The following ALG13 variants were observed in gnomAD, a reference collection of about 807,000 sequenced individuals.
The protein encoded by ALG13 is UDP-N-acetylglucosamine transferase subunit ALG13.
A neutral mutation model predicts 87.8 loss-of-function variants in ALG13; 11 were observed. That is an observed-to-expected ratio of 0.13 (90% CI 0.08 to 0.21). ALG13 has a LOEUF of 0.21. Ranked by LOEUF, ALG13 falls within the 10% of genes least tolerant of loss-of-function variation. The probability of loss-of-function intolerance (pLI) is 1.00; values close to 1 mark genes in which losing one functional copy is unlikely to be tolerated. For missense variants in ALG13, 756 were observed against 866.1 expected (o/e 0.87, Z 1.60); for synonymous variants, 320 against 306.3 (o/e 1.04, Z -0.47).
rs1939104471 is a variant in ALG13, at chrX:111,708,098, T to C, written c.455T>C (p.Leu152Pro). 8.3e-7 allele frequency: 1 copy of C among 1,209,770 alleles called. No individual in the cohort carries two copies. Among genetic ancestry groups the C allele is most frequent in the African/African-American group, 1.8e-5 (1 of 57,142 alleles). Residue 152 changes from leucine (L) to proline (P), a missense_variant, in exon 4 of 27, where the codon CTG becomes CCG. By Grantham distance (98) the Leu-to-Pro change is moderately conservative. Transcript: ENST00000394780. ...GGGAAGTGCCAAGATTCTGCAGCGC[T>C]GACTTCAACTGCCTTTTCAGGCCTA... ...APGKCQDSAA[L>P]TSTAFSGLDF... is the part of the protein sequence containing the mutation.
At chrX:111,695,857 A>C (rs1936905582) in intron 3 of ALG13, among the ~76,000 whole-genome samples, 1 of 111,004 alleles carries the variant, frequency 9.0e-6, no homozygotes, top group African/African-American at 3.3e-5. Flanking sequence ...TTCTGCTTGA[A>C]TGTTCACCCT....
Position 111,681,238 on chromosome X carries a change from C to G in ALG13, c.20C>G (p.Thr7Ser). MKCVFVTVGTTSFDDLI... is the reference protein window; with the variant it reads MKCVFVSVGTTSFDDLI... ...CGCGCCATGAAGTGCGTGTTTGTTA[C>G]CGTAGGGACCACCAGCTTTGACGAC... is the stretch of plus-strand genomic sequence containing the variant. Residue 7 changes from threonine (T) to serine (S), a missense_variant, in exon 1 of 27, where the codon ACC becomes AGC. By Grantham distance (58) the Thr-to-Ser change is moderately conservative (BLOSUM62 1). This residue lies in a region of ALG13 where 153 missense variants were observed against 168.7 expected (regional missense o/e 0.91). Transcript: ENST00000394780. The G allele has an allele frequency of 2.5e-6, 3 of 1,212,196 alleles. No homozygotes were observed. Among genetic ancestry groups the G allele is most frequent in the East Asian group, 5.9e-5 (2 of 33,823 alleles).
intron 3 of ALG13, chrX:111,689,925 C>T (rs1471864830): frequency 2.3e-5 from 17 of 751,365 alleles, no homozygotes; most frequent in Non-Finnish European, 2.3e-5. Context: ...TTTCCTTTGG[C>T]GTATGACAAC....
intron 1 of ALG13, 105 bp downstream of exon 1, chrX:111,681,404 A>C: frequency 8.6e-7 from 1 of 1,163,201 alleles, no homozygotes; most frequent in Non-Finnish European, 1.1e-6. Flanking sequence ...TCGGAAAGAA[A>C]CCCCCGCAAC....
At chrX:111,681,638 G>A (rs1569509199) in intron 1 of ALG13, 1 of 916,601 alleles carries the variant, frequency 1.1e-6, no homozygotes, top group Non-Finnish European at 1.3e-6. Flanking sequence ...CCGAGCTCGG[G>A]TTTTCCACCG....
intron 25 of ALG13, among the ~76,000 whole-genome samples, chrX:111,754,805 T>C (rs1229486319): frequency 8.9e-6 from 1 of 112,260 alleles, no homozygotes; most frequent in Non-Finnish European, 1.9e-5. Flanking sequence ...TCCATGCTTA[T>C]GGATAGGAAA....
chrX:111,712,456 T>A (rs771848146), intron 6 of ALG13, 28 bp from the exon 7 acceptor site: 2 of 1,105,779 alleles, frequency 1.8e-6, no homozygotes, highest in Non-Finnish European at 2.4e-6. Flanking sequence ...GAATGTTTTT[T>A]AAAACTCAAT....
chrX:111,705,847 GT>G (rs199690465), intron 3 of ALG13, among the ~76,000 whole-genome samples: 1 of 105,782 alleles, frequency 9.5e-6, no homozygotes, highest in Non-Finnish European at 2.0e-5. Flanking sequence ...CCCTACTTGT[GT>G]TTTTTTTTCA....
At position 111,721,703 on chromosome X, in the gene ALG13, G is replaced by A; in HGVS notation, c.1427G>A (p.Ser476Asn). 1 of 1,171,106 alleles carries A rather than the reference G, an allele frequency of 8.5e-7. No individual in the cohort carries two copies. The highest frequency in any genetic ancestry group is 1.8e-5 in the African/African-American group (1 of 56,829). Reference sequence around the variant, plus strand: ...GTAGAATTTGATGTTTGGTTGGACAGCAGAAAAGGTAAAGAAATATCAACA... The same window carrying A: ...GTAGAATTTGATGTTTGGTTGGACAACAGAAAAGGTAAAGAAATATCAACA... ...RNVEFDVWLD[S>N]RKELQKSDYM... Residue 476 changes from serine to asparagine, a missense_variant, in exon 12 of 27, where the codon AGC (serine) becomes AAC (asparagine). Ser to Asn is a conservative substitution (Grantham distance 46). This residue lies in a region of ALG13 where 362 missense variants were observed against 383.5 expected (regional missense o/e 0.94). Transcript: ENST00000394780.
intron 20 of ALG13, 27 bp downstream of exon 20, chrX:111,730,454 C>T: frequency 1.7e-6 from 2 of 1,198,634 alleles, no homozygotes; most frequent in Non-Finnish European, 2.3e-6. Context: ...AGTGATCTGG[C>T]ATTCATCATT....
At chrX:111,752,367 T>G (rs1157514572) in intron 24 of ALG13, among the ~76,000 whole-genome samples, 1 of 111,777 alleles carries the variant, frequency 8.9e-6, no homozygotes, top group Non-Finnish European at 1.9e-5. Context: ...AGAGTGGTAT[T>G]AATGTGGCAA....
chrX:111,728,397 C>G (rs926220468), intron 19 of ALG13, 92 bp downstream of exon 19: 51 of 995,581 alleles, frequency 5.1e-5, no homozygotes, highest in Non-Finnish European at 6.1e-5. Context: ...TTTGGCGTCT[C>G]TCTCTGTTCC....
At chrX:111,700,252 T>A (rs1272675662) in intron 3 of ALG13, among the ~76,000 whole-genome samples, 4 of 111,478 alleles carry the variant, frequency 3.6e-5, no homozygotes, top group Admixed American at 9.6e-5. Flanking sequence ...CTCATTTTTT[T>A]AATCAGTTCT....
At chrX:111,707,134 ATTTTC>A (rs1455789150) in intron 3 of ALG13, among the ~76,000 whole-genome samples, 1 of 111,338 alleles carries the variant, frequency 9.0e-6, no homozygotes, top group Non-Finnish European at 1.9e-5. Flanking sequence ...GGCACTTAGT[ATTTTC>A]TTTGGTTTTC....
chrX:111,725,635 A>G (rs1450930080), intron 15 of ALG13, among the ~76,000 whole-genome samples: 2 of 111,977 alleles, frequency 1.8e-5, no homozygotes, highest in Non-Finnish European at 3.8e-5. Context: ...AAGAATTTGT[A>G]AATGTTTGAG....
intron 23 of ALG13, among the ~76,000 whole-genome samples, chrX:111,741,347 T>G (rs1271526946): frequency 8.9e-6 from 1 of 111,758 alleles, no homozygotes; most frequent in Non-Finnish European, 1.9e-5. Flanking sequence ...AGGATGCACA[T>G]TTGAGTGACA....
At chrX:111,685,220 A>T in intron 3 of ALG13, 117 bp downstream of exon 3, 3 of 811,043 alleles carry the variant, frequency 3.7e-6, no homozygotes, top group East Asian at 3.5e-5. Flanking sequence ...CAGTTACCAA[A>T]CCTTTTGATT....
In ALG13 at chrX:111,744,721, T is replaced by C; in HGVS notation, c.2749T>C (p.Ser917Pro). The C allele has an allele frequency of 2.6e-6, 3 of 1,156,984 alleles. No homozygotes were observed. Among genetic ancestry groups the C allele is most frequent in the East Asian group, 3.2e-5 (1 of 31,708 alleles). Residue 917 changes from serine (S) to proline (P), a missense_variant, in exon 24 of 27, where the codon TCT becomes CCT. Physicochemically the swap from Ser to Pro is moderately conservative, Grantham distance 74 (BLOSUM62 -1). Transcript: ENST00000394780. ...TTCTGCTATTCCTCATGCTGGTGCC[T>C]CTCTACCACCACCACCACCACCACC... ...CHSAIPHAGA[S>P]LPPPPPPPPP...
intron 5 of ALG13, among the ~76,000 whole-genome samples, chrX:111,711,352 A>T: frequency 8.9e-6 from 1 of 112,499 alleles, no homozygotes; most frequent in Non-Finnish European, 1.9e-5. Flanking sequence ...TGAAATCCTT[A>T]GAAATACTGG....
Sources: gnomAD v4.1 joint callset for allele counts (sites outside exome capture counted in the v4.1 genomes callset) on GRCh38, gnomAD v4.1.1 for gene constraint, gnomAD v4.1.1 regional missense constraint, MANE v1.5 for transcripts, NCBI Gene and HGNC (gene_info 2026-07-23, HGNC 2026-07-21) for gene names.